The following SGCZ variants were observed in gnomAD, a reference collection of about 807,000 sequenced individuals.
The protein encoded by SGCZ is zeta-sarcoglycan.
In SGCZ, 40 loss-of-function variants were observed where a neutral mutation model predicts 41.3. That is an observed-to-expected ratio of 0.97 (90% CI 0.75 to 1.26). The LOEUF (loss-of-function observed/expected upper bound fraction) is 1.26, where lower values mean the gene tolerates loss of function less well. Among genes scored for constraint, SGCZ ranks in the 50% most tolerant of loss-of-function variants. The probability of loss-of-function intolerance (pLI) is 0.00; values close to 1 mark genes in which losing one functional copy is unlikely to be tolerated. For missense variants in SGCZ, 552 were observed against 369.8 expected, an observed-to-expected ratio of 1.49 and a Z score of -4.04; for synonymous variants, 206 against 137.5, an observed-to-expected ratio of 1.50 and a Z score of -3.49.
intron 5 of SGCZ, among the ~76,000 whole-genome samples, chr8:14,120,346 T>G (rs1291474954): frequency 6.6e-6 from 1 of 152,134 alleles, no homozygotes; most frequent in Non-Finnish European, 1.5e-5. Flanking sequence ...GTTTAGGAAA[T>G]GAGAACAGAA....
intron 1 of SGCZ, among the ~76,000 whole-genome samples, chr8:15,174,110 A>G (rs1799931505): frequency 6.6e-6 from 1 of 152,186 alleles, no homozygotes; most frequent in East Asian, 1.9e-4. Flanking sequence ...ATCTATTTTA[A>G]TGGATGTTAA....
At chr8:15,143,583 T>C (rs1186509309) in intron 1 of SGCZ, among the ~76,000 whole-genome samples, 2 of 152,220 alleles carry the variant, frequency 1.3e-5, no homozygotes, top group Admixed American at 6.5e-5. Flanking sequence ...CTGAAAACCA[T>C]GGCTTACAAA....
chr8:14,775,882 A>G (rs900101600), intron 1 of SGCZ, among the ~76,000 whole-genome samples: 4 of 152,208 alleles, frequency 2.6e-5, no homozygotes, highest in Admixed American at 2.6e-4. Context: ...AGAGAAGTAA[A>G]TACAATTCCA....
At chr8:14,620,794 T>C (rs574634994) in intron 1 of SGCZ, among the ~76,000 whole-genome samples, 1 of 152,246 alleles carries the variant, frequency 6.6e-6, no homozygotes, top group African/African-American at 2.4e-5. Flanking sequence ...AAACAACAGG[T>C]GCTGGAAAGG....
intron 2 of SGCZ, among the ~76,000 whole-genome samples, chr8:14,548,281 T>C (rs1001641127): frequency 6.6e-6 from 1 of 152,050 alleles, no homozygotes; most frequent in Admixed American, 6.6e-5. Flanking sequence ...GAAAGGTTAG[T>C]TGGAGATGGT....
At chr8:14,168,097 T>C (rs1408003595) in intron 4 of SGCZ, among the ~76,000 whole-genome samples, 1 of 152,204 alleles carries the variant, frequency 6.6e-6, no homozygotes, top group Non-Finnish European at 1.5e-5. Context: ...CTTTTCTATA[T>C]AACTCTTCAC....
intron 5 of SGCZ, among the ~76,000 whole-genome samples, chr8:14,126,455 A>G (rs1802863416): frequency 8.2e-6 from 1 of 121,832 alleles, no homozygotes; most frequent in African/African-American, 3.2e-5. Flanking sequence ...CAGAATGGCT[A>G]TTATTAAAAA....
At chr8:14,117,223 T>G (rs1802550431) in intron 5 of SGCZ, among the ~76,000 whole-genome samples, 1 of 152,144 alleles carries the variant, frequency 6.6e-6, no homozygotes, top group Admixed American at 6.6e-5. Context: ...CCTCTTCTGA[T>G]AAGTCAGAGG....
intron 1 of SGCZ, among the ~76,000 whole-genome samples, chr8:15,135,056 T>C (rs893707249): frequency 6.6e-6 from 1 of 152,182 alleles, no homozygotes; most frequent in African/African-American, 2.4e-5. Flanking sequence ...CATCTTCATA[T>C]CTGAAATGCT....
intron 1 of SGCZ, among the ~76,000 whole-genome samples, chr8:14,953,577 G>A (rs1334621330): frequency 3.9e-5 from 6 of 152,156 alleles, no homozygotes; most frequent in African/African-American, 1.4e-4. Flanking sequence ...TAGCAGAAGT[G>A]CAATAACAGA....
At chr8:14,733,316 GAAC>G (rs1437074520) in intron 1 of SGCZ, among the ~76,000 whole-genome samples, 10 of 152,210 alleles carry the variant, frequency 6.6e-5, no homozygotes, top group African/African-American at 2.2e-4. Context: ...CCTTTCCATG[GAAC>G]AACAATTGAG....
At chr8:14,574,488 G>A (rs1210753500) in intron 1 of SGCZ, among the ~76,000 whole-genome samples, 1 of 152,180 alleles carries the variant, frequency 6.6e-6, no homozygotes, top group Admixed American at 6.5e-5. Context: ...CCATGTACCA[G>A]GGAAGAAGAA....
At chr8:15,009,601 A>T (rs571812314) in intron 1 of SGCZ, among the ~76,000 whole-genome samples, 1 of 152,146 alleles carries the variant, frequency 6.6e-6, no homozygotes, top group East Asian at 1.9e-4. Context: ...ATGGAAAAAA[A>T]CTCCAGTTAA....
At position 14,164,185 on chromosome 8, in the gene SGCZ, C is replaced by T. The variant is rs543423770; in HGVS notation, c.547+395G>A. 3.4e-3 allele frequency among the ~76,000 whole-genome samples: 515 copies of T among 152,156 alleles called. 5 individuals carry two copies. The highest frequency in any genetic ancestry group is 5.4e-3 in the Non-Finnish European group (369 of 67,994). On this transcript the variant is annotated intron_variant, in intron 5 of 7. Transcript: ENST00000382080. ...TTAATTTAGTTTACTTTTATTATAA[C>T]TTCCCCCTTACTTAATTCTAAAGTT... is the stretch of plus-strand genomic sequence containing the variant.
In SGCZ at chr8:15,237,791, A is replaced by G; in HGVS notation, c.-168T>C. 8.5e-6 allele frequency: 5 copies of G among 586,010 alleles called. No individual in the cohort carries two copies. In the South Asian group the frequency reaches 9.1e-5, roughly 11 times the overall value. 36.3% of individuals were successfully genotyped at this position (586,010 alleles called of 1,614,324 possible). A position where few individuals can be genotyped will look rare whatever the true frequency, so the allele number is the denominator to read the frequency against. ...CGCCTCCACCGGGTTAAAAATAAGG[A>G]AAATAAATAAATAATAATGATAATT... On this transcript the variant is annotated 5_prime_UTR_variant, in exon 1 of 8. Coordinates refer to ENST00000382080, the MANE Select transcript of SGCZ (RefSeq NM_139167.4).
intron 1 of SGCZ, among the ~76,000 whole-genome samples, chr8:14,963,754 C>T (rs1301148609): frequency 3.9e-5 from 6 of 152,160 alleles, no homozygotes; most frequent in Admixed American, 2.0e-4. Context: ...AACACTTTCA[C>T]GCAGGTCATC....
At chr8:14,482,546 A>G (rs1429147442) in intron 2 of SGCZ, among the ~76,000 whole-genome samples, 1 of 152,136 alleles carries the variant, frequency 6.6e-6, no homozygotes. Context: ...TTGCTTGATT[A>G]AGACGGGTGT....
At position 14,134,941 on chromosome 8, in the gene SGCZ, T is replaced by C. The variant is rs199952323; in HGVS notation, c.548-26706A>G. Among the ~76,000 whole-genome samples the C allele has an allele frequency of 4.6e-5, 7 of 152,312 alleles. No individual in the cohort carries two copies. The South Asian group carries it at 1.2e-3, about 27-fold the overall frequency. On this transcript the variant is annotated intron_variant, in intron 5 of 7. Coordinates refer to ENST00000382080, the MANE Select transcript of SGCZ (RefSeq NM_139167.4). ...ATTAAAACTTTAACATAAATTATTA[T>C]GTTATTATTGAAACACACAGTAGCG...
At chr8:14,413,267 G>A (rs1799409069) in intron 2 of SGCZ, among the ~76,000 whole-genome samples, 2 of 152,032 alleles carry the variant, frequency 1.3e-5, no homozygotes, top group Middle Eastern at 3.4e-3. Flanking sequence ...TCGACAAAGG[G>A]TACAGGTTAT....
Sources: allele counts gnomAD v4.1 joint callset (sites outside exome capture counted in the v4.1 genomes callset), GRCh38; gene constraint gnomAD v4.1.1; transcripts MANE v1.5; gene names NCBI Gene and HGNC (gene_info 2026-07-23, HGNC 2026-07-21).